The following VIPR2 variants were observed in gnomAD, a reference collection of about 807,000 sequenced individuals.
VIPR2 encodes vasoactive intestinal peptide receptor 2, also known as vasoactive intestinal polypeptide receptor 2.
VIPR2 carries 48 observed loss-of-function variants against 58.0 expected under a neutral mutation model. That is an observed-to-expected ratio of 0.83 (90% confidence interval 0.66 to 1.05). VIPR2 has a LOEUF of 1.05. VIPR2 is among the 50% of genes least tolerant of loss of function. VIPR2 has a pLI of 0.00. For missense variants in VIPR2, 534 were observed against 558.0 expected (o/e 0.96, Z 0.43); for synonymous variants, 243 against 235.2 (o/e 1.03, Z -0.30).
intron 5 of VIPR2, among the ~76,000 whole-genome samples, chr7:159,044,652 T>C (rs1310833262): frequency 6.6e-6 from 1 of 151,036 alleles, no homozygotes; most frequent in Non-Finnish European, 1.5e-5. Flanking sequence ...GAGAACAATG[T>C]CTCAACACAT....
intron 2 of VIPR2, among the ~76,000 whole-genome samples, chr7:159,110,142 T>C (rs1181850867): frequency 1.3e-5 from 2 of 152,234 alleles, no homozygotes; most frequent in Non-Finnish European, 2.9e-5. Context: ...ATGTATACCA[T>C]GTACCTTCTG....
At chr7:159,131,721 C>A (rs1796921668) in intron 2 of VIPR2, among the ~76,000 whole-genome samples, 1 of 152,182 alleles carries the variant, frequency 6.6e-6, no homozygotes, top group Non-Finnish European at 1.5e-5. Context: ...AAATCCATGC[C>A]TAAGTCACTG....
chr7:159,079,121 C>T (rs12668638), intron 4 of VIPR2, among the ~76,000 whole-genome samples: 52,914 of 151,932 alleles, frequency 0.35, 10,839 homozygotes, highest in African/African-American at 0.58. Context: ...AAGGGAAGAA[C>T]TGTCAAATAA....
At chr7:159,056,965 AG>A (rs1414002967) in intron 5 of VIPR2, among the ~76,000 whole-genome samples, 1 of 152,188 alleles carries the variant, frequency 6.6e-6, no homozygotes, top group Non-Finnish European at 1.5e-5. Context: ...GAAGTGCCAC[AG>A]GCAGGTGACG....
chr7:159,141,532 AAC>A (rs1035279556), intron 2 of VIPR2, among the ~76,000 whole-genome samples: 6 of 152,276 alleles, frequency 3.9e-5, no homozygotes, highest in Non-Finnish European at 2.9e-5. Context: ...AAGCACAAAA[AAC>A]ACACTGGACT....
rs866488487 is a variant in VIPR2, at chr7:159,117,048, C to T, written c.152-7129G>A. ...TAGGAAATGACTTTTACATATACTC[C>T]ATTTTGTCCTCCCAGCAACTCCCTG... On this transcript the variant is annotated intron_variant, in intron 2 of 12. Transcript: ENST00000262178. The T allele has an allele frequency of 1.3e-5, 6 of 452,716 alleles. No individual in the cohort carries two copies. The Admixed American group carries it at 1.5e-4, about 11-fold the overall frequency. 28.0% of individuals were successfully genotyped at this position (452,716 alleles called of 1,614,324 possible). A position where few individuals can be genotyped will look rare whatever the true frequency, so the allele number is the denominator to read the frequency against.
At chr7:159,139,693 C>G (rs1797383637) in intron 2 of VIPR2, among the ~76,000 whole-genome samples, 1 of 152,236 alleles carries the variant, frequency 6.6e-6, no homozygotes, top group Non-Finnish European at 1.5e-5. Flanking sequence ...AAGGATGTCT[C>G]AGAACAGTGA....
At chr7:159,103,273 A>G (rs1858412070) in intron 4 of VIPR2, among the ~76,000 whole-genome samples, 1 of 152,174 alleles carries the variant, frequency 6.6e-6, no homozygotes, top group Non-Finnish European at 1.5e-5. Context: ...CTCTTGGCGG[A>G]GGACAAGCTG....
rs1796539311 is a variant in VIPR2 at position 159,123,332 on chromosome 7, TCA to T, written c.152-13415_152-13414del. On this transcript the variant is annotated intron_variant, in intron 2 of 12. Coordinates refer to ENST00000262178, the MANE Select transcript of VIPR2 (RefSeq NM_003382.5). ...AAAAAAAAAGAAAGAAAAAAAAACC[TCA>T]GTGTCTGTTTCCTTCTTTGTGTTCA... 2.2e-5 allele frequency among the ~76,000 whole-genome samples: 3 copies of T among 135,296 alleles called. No homozygotes were observed. The South Asian group carries it at 7.9e-4, about 36-fold the overall frequency. 88.8% of individuals were successfully genotyped at this position (135,296 alleles called of 152,430 possible).
chr7:159,050,123 G>A (rs1335163672), intron 5 of VIPR2, among the ~76,000 whole-genome samples: 1 of 152,116 alleles, frequency 6.6e-6, no homozygotes, highest in Non-Finnish European at 1.5e-5. Context: ...GATCACTTGA[G>A]ATCAGGAGCT....
intron 2 of VIPR2, among the ~76,000 whole-genome samples, chr7:159,112,931 G>A (rs1796093452): frequency 6.6e-6 from 1 of 151,912 alleles, no homozygotes; most frequent in African/African-American, 2.4e-5. Flanking sequence ...GCCTTCCTGG[G>A]GCCAGATCCC....
rs1358158465 is a variant in VIPR2, at chr7:159,093,078, G to C, written c.357+10679C>G. 1.3e-5 allele frequency among the ~76,000 whole-genome samples: 2 copies of C among 152,170 alleles called. No homozygotes were observed. Among genetic ancestry groups the C allele is most frequent in the Non-Finnish European group, 2.9e-5 (2 of 68,032 alleles). On this transcript the variant is annotated intron_variant, in intron 4 of 12. Coordinates refer to ENST00000262178, the MANE Select transcript of VIPR2 (RefSeq NM_003382.5). This position sits in a 1 kb window ranked among gnomAD's most constrained non-coding sequence, Gnocchi z 6.7. Reference sequence around the variant, plus strand: ...TCTGCACTGGTGCCGTCCACTCAGAGAACCCGTCTAGCAGCGGAGATGCTG... The same window carrying C: ...TCTGCACTGGTGCCGTCCACTCAGACAACCCGTCTAGCAGCGGAGATGCTG...
chr7:159,063,415 G>A (rs959119983), intron 4 of VIPR2, among the ~76,000 whole-genome samples: 3 of 152,062 alleles, frequency 2.0e-5, no homozygotes, highest in Non-Finnish European at 2.9e-5. Flanking sequence ...GGCCGGCAGC[G>A]CCGGCCGGCC....
chr7:159,101,537 G>A (rs1278104138), intron 4 of VIPR2, among the ~76,000 whole-genome samples: 5 of 132,722 alleles, frequency 3.8e-5, no homozygotes, highest in Non-Finnish European at 4.8e-5. Flanking sequence ...GAGATCCGAC[G>A]AGGCGGTTCC....
chr7:159,135,010 T>G (rs1268346590), intron 2 of VIPR2, among the ~76,000 whole-genome samples: 5 of 120,542 alleles, frequency 4.1e-5, no homozygotes, highest in Non-Finnish European at 6.9e-5. Flanking sequence ...AAAAGTTTTT[T>G]TTTTTTTTTT....
intron 2 of VIPR2, among the ~76,000 whole-genome samples, chr7:159,134,212 A>G (rs1797102225): frequency 6.6e-6 from 1 of 152,248 alleles, no homozygotes; most frequent in African/African-American, 2.4e-5. Context: ...TCCTGTGCTG[A>G]GAAAGTACAT....
Position 159,093,281 on chromosome 7 carries a change from G to A in VIPR2, c.357+10476C>T, listed in dbSNP as rs1857605500. On this transcript the variant is annotated intron_variant, in intron 4 of 12. Coordinates refer to ENST00000262178, the MANE Select transcript of VIPR2 (RefSeq NM_003382.5). The surrounding 1 kb of genome is among the most constrained non-coding windows in gnomAD (Gnocchi z 6.7). ...TTTTCCTTAGGTTGAGACTGAAAAC[G>A]TCAACACAGGAGGCTGGTCTCGTCC... is the stretch of plus-strand genomic sequence containing the variant. Among the ~76,000 whole-genome samples the A allele has an allele frequency of 1.3e-5, 2 of 152,272 alleles. No individual in the cohort carries two copies. The highest frequency in any genetic ancestry group is 6.5e-5 in the Admixed American group (1 of 15,300).
intron 5 of VIPR2, among the ~76,000 whole-genome samples, chr7:159,043,856 C>T (rs993714765): frequency 6.6e-6 from 1 of 152,226 alleles, no homozygotes; most frequent in African/African-American, 2.4e-5. Flanking sequence ...CCTCAGGAGA[C>T]ACTTGGCAGG....
intron 6 of VIPR2, among the ~76,000 whole-genome samples, chr7:159,040,148 G>A (rs1854234596): frequency 6.6e-6 from 1 of 152,216 alleles, no homozygotes; most frequent in African/African-American, 2.4e-5. Context: ...GGAATGACAA[G>A]GCCTCTACTG....
Sources: gnomAD v4.1 joint callset for allele counts (sites outside exome capture counted in the v4.1 genomes callset) on GRCh38, gnomAD v4.1.1 for gene constraint, Gnocchi (gnomAD v3.1) non-coding constraint, MANE v1.5 for transcripts, NCBI Gene and HGNC (gene_info 2026-07-23, HGNC 2026-07-21) for gene names.